FRMD4A: variants seen among roughly 807,000 people sequenced by gnomAD.
FRMD4A encodes FERM domain containing 4A.
FRMD4A carries 29 observed loss-of-function variants against 129.1 expected under a neutral mutation model. The observed-to-expected ratio is 0.22, with a 90% confidence interval of 0.17 to 0.31. The LOEUF (loss-of-function observed/expected upper bound fraction) is 0.31, where lower values mean the gene tolerates loss of function less well. Ranked by LOEUF, FRMD4A falls within the 10% of genes least tolerant of loss-of-function variation. The pLI is 1.00. For synonymous variants in FRMD4A, 634 were observed against 571.6 expected (o/e 1.11, Z -1.56); for missense variants, 1,272 against 1,375.8 (o/e 0.92, Z 1.19).
At chr10:13,963,273 T>C (rs1388755698) in intron 2 of FRMD4A, among the ~76,000 whole-genome samples, 1 of 37,654 alleles carries the variant, frequency 2.7e-5, no homozygotes, top group Non-Finnish European at 5.3e-5. Context: ...AAGCCTCTTT[T>C]TTTTTTTTTT....
chr10:14,105,575 T>C (rs11258868), intron 2 of FRMD4A, among the ~76,000 whole-genome samples: 17,055 of 152,162 alleles, frequency 0.11, 3,000 homozygotes, highest in African/African-American at 0.38. Context: ...TTAAAGAAAA[T>C]GACCATAATG....
chr10:14,293,458 A>C (rs1337210155), intron 2 of FRMD4A, among the ~76,000 whole-genome samples: 3 of 152,236 alleles, frequency 2.0e-5, no homozygotes. Context: ...TAAGACATAC[A>C]ACAAACTGGG....
chr10:13,748,581 G>A (rs1219689781), intron 8 of FRMD4A, among the ~76,000 whole-genome samples: 3 of 152,152 alleles, frequency 2.0e-5, no homozygotes, highest in Non-Finnish European at 4.4e-5. Flanking sequence ...TCAGATTAGG[G>A]AGACTCAACC....
At chr10:14,078,786 C>T (rs1471395666) in intron 2 of FRMD4A, among the ~76,000 whole-genome samples, 3 of 152,202 alleles carry the variant, frequency 2.0e-5, no homozygotes, top group Admixed American at 1.3e-4. Context: ...CATGTGTTTC[C>T]CCTTCTACTA....
intron 2 of FRMD4A, among the ~76,000 whole-genome samples, chr10:14,293,620 G>A (rs113462592): frequency 1.4e-4 from 20 of 147,022 alleles, no homozygotes; most frequent in Non-Finnish European, 1.1e-4. Flanking sequence ...TGAAGATAGA[G>A]AAAAAAAAAA....
intron 2 of FRMD4A, among the ~76,000 whole-genome samples, chr10:14,030,858 A>G (rs1032029877): frequency 6.6e-6 from 1 of 152,120 alleles, no homozygotes; most frequent in East Asian, 1.9e-4. Context: ...AGCCTCTCCA[A>G]TGAGTACAAA....
intron 4 of FRMD4A, among the ~76,000 whole-genome samples, chr10:13,801,837 C>G (rs1252801938): frequency 1.3e-5 from 2 of 152,160 alleles, no homozygotes; most frequent in African/African-American, 4.8e-5. Context: ...GTGCCTCCCT[C>G]AAACCTTTTA....
At chr10:13,869,495 G>A (rs189559045) in intron 2 of FRMD4A, among the ~76,000 whole-genome samples, 270 of 152,346 alleles carry the variant, frequency 1.8e-3, no homozygotes, top group Non-Finnish European at 8.5e-4. Context: ...CCCTCCTCAC[G>A]CCTGGCAGCC....
chr10:13,826,040 C>T (rs1388906729), intron 3 of FRMD4A, among the ~76,000 whole-genome samples: 2 of 152,228 alleles, frequency 1.3e-5, no homozygotes, highest in African/African-American at 4.8e-5. Context: ...CGATGTGTAC[C>T]TTGATCAGCA....
intron 2 of FRMD4A, among the ~76,000 whole-genome samples, chr10:14,307,917 C>T (rs1846406775): frequency 6.6e-6 from 1 of 152,208 alleles, no homozygotes; most frequent in Non-Finnish European, 1.5e-5. Flanking sequence ...ATTTCTCACT[C>T]TCTACCTTCT....
intron 2 of FRMD4A, among the ~76,000 whole-genome samples, chr10:14,252,259 C>T (rs756409758): frequency 3.3e-5 from 5 of 152,116 alleles, no homozygotes; most frequent in Non-Finnish European, 5.9e-5. Flanking sequence ...AATTTCCTTA[C>T]CTAACTACAG....
intron 2 of FRMD4A, among the ~76,000 whole-genome samples, chr10:14,256,984 T>G (rs1547220): frequency 0.27 from 41,012 of 151,828 alleles, 6,691 homozygotes; most frequent in African/African-American, 0.46. Context: ...GGGAAAAAAA[T>G]TTATAGTGTA....
intron 19 of FRMD4A, among the ~76,000 whole-genome samples, chr10:13,661,830 T>C (rs1367619623): frequency 1.3e-5 from 2 of 152,124 alleles, no homozygotes; most frequent in East Asian, 3.9e-4. Flanking sequence ...CCAACTACCA[T>C]TCACTTGCCC....
At chr10:14,114,469 T>C (rs1838095107) in intron 2 of FRMD4A, among the ~76,000 whole-genome samples, 1 of 152,240 alleles carries the variant, frequency 6.6e-6, no homozygotes, top group South Asian at 2.1e-4. Context: ...TTATTCCTAT[T>C]TTTAGCCATA....
At chr10:13,946,132 G>A (rs1033558249) in intron 2 of FRMD4A, among the ~76,000 whole-genome samples, 1 of 152,210 alleles carries the variant, frequency 6.6e-6, no homozygotes, top group Non-Finnish European at 1.5e-5. Context: ...ACTGGTTTAT[G>A]TCCCTTTCCT....
At chr10:13,733,638 G>A (rs1484391490) in intron 12 of FRMD4A, among the ~76,000 whole-genome samples, 1 of 152,204 alleles carries the variant, frequency 6.6e-6, no homozygotes, top group Admixed American at 6.5e-5. Context: ...ATGTTGGACA[G>A]CTGGTCTTGA....
chr10:14,203,364 C>T (rs920007404), intron 2 of FRMD4A, among the ~76,000 whole-genome samples: 1 of 152,148 alleles, frequency 6.6e-6, no homozygotes, highest in Non-Finnish European at 1.5e-5. Flanking sequence ...ATTTACATCG[C>T]TGTTTTGCAG....
At chr10:14,268,933 G>A (rs533962620) in intron 2 of FRMD4A, among the ~76,000 whole-genome samples, 18 of 152,190 alleles carry the variant, frequency 1.2e-4, no homozygotes, top group Non-Finnish European at 2.4e-4. Flanking sequence ...GCAACAATTG[G>A]GTAATGATTA....
chr10:13,688,762 G>A (rs1181015146), intron 15 of FRMD4A, among the ~76,000 whole-genome samples: 1 of 151,988 alleles, frequency 6.6e-6, no homozygotes, highest in Non-Finnish European at 1.5e-5. Context: ...CTCACAGGCT[G>A]GAATGCAGTG....
Sources: allele counts gnomAD v4.1 joint callset (sites outside exome capture counted in the v4.1 genomes callset), GRCh38; gene constraint gnomAD v4.1.1; transcripts MANE v1.5; gene names NCBI Gene and HGNC (gene_info 2026-07-23, HGNC 2026-07-21).